The following PACRG variants were observed in gnomAD, a reference collection of about 807,000 sequenced individuals.
PACRG encodes parkin coregulated.
In PACRG, 29 loss-of-function variants were observed where a neutral mutation model predicts 29.7. That is an observed-to-expected ratio of 0.98 (90% CI 0.73 to 1.33). The LOEUF (loss-of-function observed/expected upper bound fraction) is 1.33, where lower values mean the gene tolerates loss of function less well. PACRG is among the 40% of genes most tolerant of loss of function. The probability of loss-of-function intolerance (pLI) is 0.00; values close to 1 mark genes in which losing one functional copy is unlikely to be tolerated. For missense variants in PACRG, 279 were observed against 316.2 expected (o/e 0.88, Z 0.89); for synonymous variants, 116 against 118.7 (o/e 0.98, Z 0.15).
chr6:162,756,349 T>C (rs1230313559), intron 1 of PACRG, among the ~76,000 whole-genome samples: 1 of 152,224 alleles, frequency 6.6e-6, no homozygotes, highest in East Asian at 1.9e-4. Context: ...ATATTTATAA[T>C]TGTTAGGTCT....
intron 2 of PACRG, among the ~76,000 whole-genome samples, chr6:163,034,606 A>G (rs1355647838): frequency 1.3e-5 from 2 of 151,990 alleles, no homozygotes; most frequent in African/African-American, 4.8e-5. Flanking sequence ...GGCTATATGC[A>G]CCCCACTTAC....
At chr6:162,821,616 A>G (rs1233953001) in intron 2 of PACRG, among the ~76,000 whole-genome samples, 1 of 151,854 alleles carries the variant, frequency 6.6e-6, no homozygotes, top group Admixed American at 6.6e-5. Flanking sequence ...GTCACTGCCC[A>G]CCCTCTCAGT....
At chr6:163,189,579 G>T (rs1343311356) in intron 4 of PACRG, 7 of 152,228 alleles carry the variant, frequency 4.6e-5, no homozygotes, top group Non-Finnish European at 1.0e-4. Flanking sequence ...TTAGCTTACA[G>T]ATTGCTAGTT....
At chr6:162,974,094 G>A (rs761769450) in intron 2 of PACRG, among the ~76,000 whole-genome samples, 2 of 152,118 alleles carry the variant, frequency 1.3e-5, no homozygotes, top group East Asian at 1.9e-4. Context: ...GAAGAAAAGG[G>A]CCCTGCTGAC....
At chr6:163,072,479 C>T (rs543373272) in intron 3 of PACRG, among the ~76,000 whole-genome samples, 15 of 152,132 alleles carry the variant, frequency 9.9e-5, no homozygotes, top group South Asian at 2.1e-4. Context: ...AAGCCACGTA[C>T]GACAGACTCA....
chr6:163,142,851 C>T (rs1356642790), intron 4 of PACRG, among the ~76,000 whole-genome samples: 1 of 152,054 alleles, frequency 6.6e-6, no homozygotes, highest in East Asian at 1.9e-4. Flanking sequence ...TCAGACAAAC[C>T]CAACTGAAGA....
intron 4 of PACRG, among the ~76,000 whole-genome samples, chr6:163,096,026 C>T (rs1047819154): frequency 1.3e-5 from 2 of 152,312 alleles, no homozygotes; most frequent in Middle Eastern, 6.8e-3. Flanking sequence ...TCTGCACGGA[C>T]TAATGAAAAC....
At chr6:163,254,929 C>T (rs892394165) in intron 4 of PACRG, among the ~76,000 whole-genome samples, 3 of 152,240 alleles carry the variant, frequency 2.0e-5, no homozygotes, top group African/African-American at 7.2e-5. Context: ...TATCTTAACA[C>T]CTTCTTTTTC....
chr6:162,758,959 A>C (rs998092118), intron 1 of PACRG, among the ~76,000 whole-genome samples: 1 of 152,238 alleles, frequency 6.6e-6, no homozygotes, highest in African/African-American at 2.4e-5. Context: ...AAAAATTATA[A>C]GATTTTGGAA....
At chr6:163,150,261 C>G (rs2147653) in intron 4 of PACRG, among the ~76,000 whole-genome samples, 17,130 of 152,202 alleles carry the variant, frequency 0.11, 1,119 homozygotes, top group African/African-American at 0.19. Context: ...GGATTCAGTA[C>G]GTTATCATAA....
chr6:163,273,463 T>C (rs564315303), intron 4 of PACRG, among the ~76,000 whole-genome samples: 1 of 152,296 alleles, frequency 6.6e-6, no homozygotes, highest in East Asian at 1.9e-4. Context: ...TCTTTTTGAT[T>C]AGACAAGAAT....
chr6:162,915,203 C>A (rs948974070), intron 2 of PACRG, among the ~76,000 whole-genome samples: 1 of 151,684 alleles, frequency 6.6e-6, no homozygotes, highest in Admixed American at 6.6e-5. Flanking sequence ...TCCTAATTTG[C>A]TAGCTTTTTA....
chr6:163,280,424 T>TA (rs1784190004), intron 4 of PACRG, among the ~76,000 whole-genome samples: 1 of 151,250 alleles, frequency 6.6e-6, no homozygotes, highest in Non-Finnish European at 1.5e-5. Context: ...CACCACCCCA[T>TA]AGGCACACAC....
At chr6:162,802,865 C>A (rs1785996507) in intron 1 of PACRG, among the ~76,000 whole-genome samples, 1 of 152,114 alleles carries the variant, frequency 6.6e-6, no homozygotes, top group African/African-American at 2.4e-5. Flanking sequence ...ACTATTCTGA[C>A]TATTCTTTCT....
chr6:162,915,249 T>C (rs936556381), intron 2 of PACRG, among the ~76,000 whole-genome samples: 10 of 152,028 alleles, frequency 6.6e-5, no homozygotes, highest in African/African-American at 2.4e-4. Context: ...GTCAAATTAT[T>C]TTTCTGCCAA....
chr6:163,281,363 C>G (rs1310285000), intron 4 of PACRG, among the ~76,000 whole-genome samples: 1 of 152,158 alleles, frequency 6.6e-6, no homozygotes, highest in African/African-American at 2.4e-5. Flanking sequence ...TTTGCCTCAG[C>G]ACAGTCCTCA....
chr6:163,017,416 C>T (rs542964658), intron 2 of PACRG, among the ~76,000 whole-genome samples: 3 of 152,016 alleles, frequency 2.0e-5, no homozygotes, highest in Non-Finnish European at 4.4e-5. Context: ...CGTGAAGTAC[C>T]CTTTTACAAA....
intron 4 of PACRG, among the ~76,000 whole-genome samples, chr6:163,294,379 T>C (rs530826849): frequency 6.6e-6 from 1 of 152,168 alleles, no homozygotes; most frequent in Non-Finnish European, 1.5e-5. Flanking sequence ...GGAGGCTACC[T>C]GTAAACAAAT....
chr6:163,060,694 G>C lies in PACRG; in HGVS notation c.292-1456G>C, dbSNP rs551890034. On this transcript the variant is annotated intron_variant, in intron 2 of 4. Transcript: ENST00000366888. ...TAAATGGGAAGTCTGTGAGCAGACT[G>C]TAGACAGGCCTGCTGCTTGGGGAAC... The C allele has an allele frequency of 4.6e-5, 7 of 152,214 alleles. No homozygotes were observed. The East Asian group carries it at 1.4e-3, about 29-fold the overall frequency. The allele number at this position is 152,214 out of a possible 1,614,324, so 9.4% of individuals were successfully genotyped here. A position where few individuals can be genotyped will look rare whatever the true frequency, so the allele number is the denominator to read the frequency against.
Sources: allele counts gnomAD v4.1 joint callset (sites outside exome capture counted in the v4.1 genomes callset), GRCh38; gene constraint gnomAD v4.1.1; transcripts MANE v1.5; gene names NCBI Gene and HGNC (gene_info 2026-07-23, HGNC 2026-07-21).